NKAIN2: variants seen among roughly 807,000 people sequenced by gnomAD.
The protein encoded by NKAIN2 is sodium/potassium-transporting ATPase subunit beta-1-interacting protein 2.
NKAIN2 carries 14 observed loss-of-function variants against 32.6 expected under a neutral mutation model. The ratio of observed to expected loss-of-function variants is 0.43; its 90% CI spans 0.28 to 0.67. The LOEUF is 0.67. Ranked by LOEUF, NKAIN2 falls within the 30% of genes least tolerant of loss-of-function variation. NKAIN2 has a pLI of 0.17. For synonymous variants in NKAIN2, 80 were observed against 87.2 expected (o/e 0.92, Z 0.46); for missense variants, 198 against 258.3 (o/e 0.77, Z 1.60).
chr6:123,958,186 T>C (rs1247377727), intron 1 of NKAIN2, among the ~76,000 whole-genome samples: 1 of 152,144 alleles, frequency 6.6e-6, no homozygotes, highest in Non-Finnish European at 1.5e-5. Context: ...CTTTAGGCCC[T>C]TTTGAGTTCT....
chr6:123,861,813 A>G (rs1045997614), intron 1 of NKAIN2, among the ~76,000 whole-genome samples: 1 of 152,072 alleles, frequency 6.6e-6, no homozygotes, highest in African/African-American at 2.4e-5. Context: ...TCTTGGTTAA[A>G]TTTCCCCTCT....
intron 3 of NKAIN2, among the ~76,000 whole-genome samples, chr6:124,380,343 C>T (rs1184622747): frequency 6.6e-6 from 1 of 152,188 alleles, no homozygotes; most frequent in African/African-American, 2.4e-5. Context: ...AGCAGCAAGA[C>T]AATATTTCCT....
intron 3 of NKAIN2, among the ~76,000 whole-genome samples, chr6:124,456,011 A>T (rs1463088359): frequency 1.3e-5 from 2 of 151,878 alleles, no homozygotes; most frequent in East Asian, 3.9e-4. Context: ...CAGGGATAGG[A>T]TGGTGTAACA....
chr6:123,898,248 T>C (rs1433601263), intron 1 of NKAIN2, among the ~76,000 whole-genome samples: 2 of 152,214 alleles, frequency 1.3e-5, no homozygotes, highest in Non-Finnish European at 2.9e-5. Context: ...GATTTTACTT[T>C]ACTTTTTCCA....
intron 4 of NKAIN2, among the ~76,000 whole-genome samples, chr6:124,663,346 G>A (rs541423509): frequency 6.6e-6 from 1 of 151,972 alleles, no homozygotes; most frequent in Non-Finnish European, 1.5e-5. Context: ...CAGGAGAATC[G>A]CTTGAAACTG....
chr6:124,071,571 A>C (rs1397018316), intron 1 of NKAIN2, among the ~76,000 whole-genome samples: 1 of 152,182 alleles, frequency 6.6e-6, no homozygotes, highest in Non-Finnish European at 1.5e-5. Flanking sequence ...TTCACAAACT[A>C]TGCACTCAAC....
intron 1 of NKAIN2, among the ~76,000 whole-genome samples, chr6:124,212,756 A>G (rs916207063): frequency 6.6e-6 from 1 of 152,094 alleles, no homozygotes; most frequent in Non-Finnish European, 1.5e-5. Context: ...GCATTGGTCC[A>G]TATAGTAAAA....
chr6:124,810,399 C>T (rs909358173), intron 5 of NKAIN2, among the ~76,000 whole-genome samples: 6 of 151,898 alleles, frequency 4.0e-5, no homozygotes, highest in African/African-American at 7.3e-5. Context: ...AACCAAACAC[C>T]GCATATTCTC....
chr6:124,291,776 C>T (rs1795825206), intron 2 of NKAIN2, among the ~76,000 whole-genome samples: 2 of 152,074 alleles, frequency 1.3e-5, no homozygotes, highest in African/African-American at 2.4e-5. Context: ...TTCTCCACCT[C>T]CCCTGAAAGC....
intron 2 of NKAIN2, among the ~76,000 whole-genome samples, chr6:124,304,439 G>A (rs1796426291): frequency 6.6e-6 from 1 of 152,028 alleles, no homozygotes; most frequent in African/African-American, 2.4e-5. Context: ...TACATATAGA[G>A]GCCTAGTCAA....
chr6:124,530,307 A>G (rs1050531783), intron 3 of NKAIN2, among the ~76,000 whole-genome samples: 1 of 152,220 alleles, frequency 6.6e-6, no homozygotes, highest in Non-Finnish European at 1.5e-5. Flanking sequence ...TAAGAAAATC[A>G]TAAAGAAGAG....
intron 2 of NKAIN2, among the ~76,000 whole-genome samples, chr6:124,286,616 C>A (rs1245202306): frequency 6.7e-6 from 1 of 149,816 alleles, no homozygotes; most frequent in Admixed American, 6.6e-5. Flanking sequence ...ATGTTCATTA[C>A]CCATTTTTGT....
At chr6:124,709,394 G>C (rs1055120295) in intron 4 of NKAIN2, among the ~76,000 whole-genome samples, 29 of 151,118 alleles carry the variant, frequency 1.9e-4, no homozygotes, top group African/African-American at 6.6e-4. Context: ...CTATTGATTG[G>C]AATAGTTTCA....
At chr6:124,260,152 TCAG>T (rs1794169606) in intron 1 of NKAIN2, among the ~76,000 whole-genome samples, 1 of 152,172 alleles carries the variant, frequency 6.6e-6, no homozygotes, top group South Asian at 2.1e-4. Context: ...ATTTAGGTCT[TCAG>T]CAATATATAT....
intron 2 of NKAIN2, among the ~76,000 whole-genome samples, chr6:124,352,986 T>G (rs1798798319): frequency 6.6e-6 from 1 of 152,174 alleles, no homozygotes; most frequent in South Asian, 2.1e-4. Flanking sequence ...AGAAAACAGT[T>G]TTGAGTTATC....
At chr6:124,432,711 G>A (rs996411818) in intron 3 of NKAIN2, among the ~76,000 whole-genome samples, 3 of 152,086 alleles carry the variant, frequency 2.0e-5, no homozygotes, top group Non-Finnish European at 4.4e-5. Flanking sequence ...GAAATAAACT[G>A]ACTAGATCTC....
chr6:124,746,040 T>C (rs1777437912), intron 4 of NKAIN2, among the ~76,000 whole-genome samples: 1 of 151,822 alleles, frequency 6.6e-6, no homozygotes, highest in South Asian at 2.1e-4. Context: ...TATGTAACAA[T>C]TTGGGAATAA....
At chr6:123,866,463 C>T (rs7743700) in intron 1 of NKAIN2, among the ~76,000 whole-genome samples, 9,146 of 152,060 alleles carry the variant, frequency 0.06, 837 homozygotes, top group African/African-American at 0.2. Context: ...CGGAGTCTCG[C>T]TCTGTCGTCC....
chr6:124,752,163 G>A (rs910777170), intron 4 of NKAIN2, among the ~76,000 whole-genome samples: 3 of 151,780 alleles, frequency 2.0e-5, no homozygotes, highest in Non-Finnish European at 2.9e-5. Flanking sequence ...ATCATGGCCC[G>A]TGCTATCCCT....
Sources: allele counts gnomAD v4.1 joint callset (sites outside exome capture counted in the v4.1 genomes callset), GRCh38; gene constraint gnomAD v4.1.1; transcripts MANE v1.5; gene names NCBI Gene and HGNC (gene_info 2026-07-23, HGNC 2026-07-21).